The following BMPR2 variants were observed in gnomAD, a reference collection of about 807,000 sequenced individuals.
BMPR2 encodes the protein bone morphogenetic protein receptor type 2.
A neutral mutation model predicts 100.8 loss-of-function variants in BMPR2; 29 were observed. The ratio of observed to expected loss-of-function variants is 0.29; its 90% CI spans 0.21 to 0.39. The LOEUF (loss-of-function observed/expected upper bound fraction) is 0.39. Ranked by LOEUF, BMPR2 falls within the 10% of genes least tolerant of loss-of-function variation. The pLI is 1.00. For synonymous variants in BMPR2, 382 were observed against 442.3 expected (o/e 0.86, Z 1.71); for missense variants, 1,011 against 1,274.5 (o/e 0.79, Z 3.15).
chr2:202,388,887 A>C (rs1228000278), intron 1 of BMPR2, among the ~76,000 whole-genome samples: 3 of 152,132 alleles, frequency 2.0e-5, no homozygotes, highest in Admixed American at 6.6e-5. Flanking sequence ...TTTAATGAAA[A>C]TAGATTAAAT....
chr2:202,475,242 C>T (rs932286856), intron 3 of BMPR2: 6 of 151,794 alleles, frequency 4.0e-5, no homozygotes, highest in African/African-American at 1.5e-4. Context: ...GTAGTTTGGC[C>T]AAGCTGGTCT....
chr2:202,485,288 T>C (rs1006258100), intron 3 of BMPR2, among the ~76,000 whole-genome samples: 1 of 152,042 alleles, frequency 6.6e-6, no homozygotes, highest in Non-Finnish European at 1.5e-5. Flanking sequence ...TTATCACAAA[T>C]AGGGTGACTA....
At chr2:202,389,454 G>A (rs981460160) in intron 1 of BMPR2, among the ~76,000 whole-genome samples, 64 of 146,962 alleles carry the variant, frequency 4.4e-4, no homozygotes, top group African/African-American at 1.5e-3. Context: ...TTGAACCCGA[G>A]AGGCAGAGTT....
intron 1 of BMPR2, among the ~76,000 whole-genome samples, chr2:202,411,852 T>C (rs1416710576): frequency 6.6e-6 from 1 of 152,132 alleles, no homozygotes; most frequent in Admixed American, 6.6e-5. Context: ...CTCAAAGTCA[T>C]AAACAAGAAA....
chr2:202,377,797 G>T (rs1690183665), intron 1 of BMPR2, among the ~76,000 whole-genome samples: 1 of 152,230 alleles, frequency 6.6e-6, no homozygotes, highest in African/African-American at 2.4e-5. Context: ...GGGTGAAAAA[G>T]ACATATTGGG....
At position 202,555,909 on chromosome 2, in the gene BMPR2, G is replaced by A. The variant is rs754069316; in HGVS notation, c.2244G>A (p.Gln748=). The A allele has an allele frequency of 2.5e-6, 4 of 1,614,120 alleles. No homozygotes were observed. The East Asian group carries it at 8.9e-5, about 36-fold the overall frequency. ...LPTQIYPLPK[Q]QNLPKRPTSL... is the part of the protein sequence containing the mutation. ...CTCAGATCTATCCTCTCCCCAAGCA[G>A]CAGAACCTTCCCAAGAGACCTACTA... Residue 748 remains glutamine, a synonymous_variant, in exon 12 of 13, where the codon CAG becomes CAA. Coordinates refer to ENST00000374580, the MANE Select transcript of BMPR2 (RefSeq NM_001204.7).
At chr2:202,470,027 C>G (rs201290600) in intron 3 of BMPR2, among the ~76,000 whole-genome samples, 1 of 152,088 alleles carries the variant, frequency 6.6e-6, no homozygotes, top group African/African-American at 2.4e-5. Context: ...CTGAAACCAT[C>G]GTAGATGCAT....
intron 3 of BMPR2, among the ~76,000 whole-genome samples, chr2:202,502,899 C>T (rs1192743557): frequency 1.3e-5 from 2 of 152,252 alleles, no homozygotes; most frequent in African/African-American, 4.8e-5. Flanking sequence ...CCTGTGGCAG[C>T]CATCTTGCTG....
intron 3 of BMPR2, chr2:202,504,972 C>T: frequency 6.4e-6 from 1 of 155,928 alleles, no homozygotes; most frequent in Non-Finnish European, 1.4e-5. Context: ...AGCCACCATG[C>T]CTGACCCATC....
chr2:202,552,848 C>T lies in BMPR2; in HGVS notation c.1546C>T (p.Pro516Ser). 1 of 1,614,086 alleles carries T rather than the reference C, an allele frequency of 6.2e-7. No homozygotes were observed. Among genetic ancestry groups the T allele is most frequent in the Non-Finnish European group, 8.5e-7 (1 of 1,180,014 alleles). Residue 516 changes from proline (P) to serine (S), a missense_variant, in exon 11 of 13, where the codon CCA (proline) becomes TCA (serine). By Grantham distance (74) the Pro-to-Ser change is moderately conservative. Transcript: ENST00000374580. ...MIWERNKSVS[P>S]TVNPMSTAMQ... ...TTGGGAAAGAAACAAATCTGTGAGC[C>T]CAACAGTCAATCCAATGTCTACTGC...
intron 3 of BMPR2, among the ~76,000 whole-genome samples, chr2:202,497,340 C>T (rs563241471): frequency 6.6e-6 from 1 of 152,354 alleles, no homozygotes; most frequent in South Asian, 2.1e-4. Flanking sequence ...CATCGGACCC[C>T]TTTCGCTTGC....
chr2:202,471,790 A>G (rs1241272231), intron 3 of BMPR2, among the ~76,000 whole-genome samples: 1 of 152,298 alleles, frequency 6.6e-6, no homozygotes, highest in Admixed American at 6.5e-5. Context: ...TTCAATGTTA[A>G]ATGTGCTGAA....
chr2:202,513,372 T>G (rs949002419), intron 3 of BMPR2, among the ~76,000 whole-genome samples: 4 of 152,144 alleles, frequency 2.6e-5, no homozygotes, highest in African/African-American at 9.7e-5. Context: ...ATGAGGAAAT[T>G]GAGGATTTAA....
chr2:202,387,116 T>C (rs1199998881), intron 1 of BMPR2, among the ~76,000 whole-genome samples: 1 of 152,248 alleles, frequency 6.6e-6, no homozygotes, highest in Non-Finnish European at 1.5e-5. Context: ...TATGACCTCA[T>C]GTGCCAGCCT....
intron 1 of BMPR2, among the ~76,000 whole-genome samples, chr2:202,450,332 G>T (rs981011352): frequency 6.6e-6 from 1 of 152,108 alleles, no homozygotes; most frequent in Admixed American, 6.5e-5. Context: ...TTGTATTCTA[G>T]ATACAGAAAT....
At chr2:202,436,338 TG>T (rs1360019988) in intron 1 of BMPR2, among the ~76,000 whole-genome samples, 4 of 149,914 alleles carry the variant, frequency 2.7e-5, no homozygotes, top group Non-Finnish European at 5.9e-5. Context: ...CCCAGCTACT[TG>T]GGGGCCTGAG....
At chr2:202,421,107 C>T (rs1454707243) in intron 1 of BMPR2, among the ~76,000 whole-genome samples, 2 of 151,474 alleles carry the variant, frequency 1.3e-5, no homozygotes, top group African/African-American at 2.4e-5. Flanking sequence ...AAAAATTAGC[C>T]GAGCATGGTG....
chr2:202,515,626 A>G (rs1428852384), intron 5 of BMPR2, among the ~76,000 whole-genome samples: 4 of 151,926 alleles, frequency 2.6e-5, no homozygotes, highest in Non-Finnish European at 5.9e-5. Context: ...GCAGTGGCTC[A>G]CGCCTGTAAT....
At chr2:202,435,340 G>A (rs1691592586) in intron 1 of BMPR2, among the ~76,000 whole-genome samples, 1 of 136,208 alleles carries the variant, frequency 7.3e-6, no homozygotes, top group Non-Finnish European at 1.5e-5. Context: ...CTCCAGCCTG[G>A]GCGACAGAGC....
Sources: gnomAD v4.1 joint callset for allele counts (sites outside exome capture counted in the v4.1 genomes callset) on GRCh38, gnomAD v4.1.1 for gene constraint, MANE v1.5 for transcripts, NCBI Gene and HGNC (gene_info 2026-07-23, HGNC 2026-07-21) for gene names.